PIK3C2B: variants seen among roughly 807,000 people sequenced by gnomAD.
PIK3C2B encodes the protein phosphatidylinositol-4-phosphate 3-kinase catalytic subunit type 2 beta, also known as phosphatidylinositol 4-phosphate 3-kinase C2 domain-containing subunit beta.
In PIK3C2B, 83 loss-of-function variants were observed where a neutral mutation model predicts 184.3. The ratio of observed to expected loss-of-function variants is 0.45; its 90% CI spans 0.38 to 0.54. The LOEUF (loss-of-function observed/expected upper bound fraction) is 0.54. PIK3C2B is among the 20% of genes least tolerant of loss of function. The pLI, the probability that PIK3C2B is intolerant of heterozygous loss-of-function variation, is 0.00. For synonymous variants in PIK3C2B, 779 were observed against 837.6 expected (o/e 0.93, Z 1.21); for missense variants, 1,736 against 2,113.5 (o/e 0.82, Z 3.50).
chr1:204,460,073 C>T (rs1655199769), intron 7 of PIK3C2B, 132 bp from the exon 8 acceptor site: 3 of 740,080 alleles, frequency 4.1e-6, no homozygotes, highest in Non-Finnish European at 7.1e-6. Context: ...TTCTATATGT[C>T]CTGTGAAGAC....
Position 204,430,010 on chromosome 1 carries a change from A to G in PIK3C2B, c.4309T>C (p.Ser1437Pro). Reference sequence around the variant, plus strand: ...CGCTCGGCCACCGCCTCTCCCCGGGAGCGGCCGATCACGAAGCGACTAGGG... The same window carrying G: ...CGCTCGGCCACCGCCTCTCCCCGGGGGCGGCCGATCACGAAGCGACTAGGG... ...SFPSRFVIGR[S>P]RGEAVAERRR... Residue 1437 changes from serine (S) to proline (P), a missense_variant, in exon 29 of 33, where the codon TCC becomes CCC. Ser to Pro is a moderately conservative substitution (Grantham distance 74, BLOSUM62 -1). Coordinates refer to ENST00000684373, the MANE Select transcript of PIK3C2B (RefSeq NM_001377334.1). The G allele has an allele frequency of 6.2e-7, 1 of 1,610,710 alleles. No individual in the cohort carries two copies. Among genetic ancestry groups the G allele is most frequent in the Middle Eastern group, 1.6e-4 (1 of 6,062 alleles).
Position 204,454,733 on chromosome 1 carries a change from G to A in PIK3C2B, c.2002C>T (p.Pro668Ser), listed in dbSNP as rs1180870391. 6.2e-7 allele frequency: 1 copy of A among 1,613,474 alleles called. No individual in the cohort carries two copies. ...AAGTGAGCTCTTCGGGTCTGCAGGG[G>A]GCTGCACAGCTCCTTGCCGCCATGG... ...LSHGGKELCS[P>S]LQTRRAHFSK... is the part of the protein sequence containing the mutation. Residue 668 changes from proline to serine, a missense_variant, in exon 12 of 33, where the codon CCC becomes TCC. This residue lies in a region of PIK3C2B where 609 missense variants were observed against 699.2 expected (regional missense o/e 0.87). Coordinates refer to ENST00000684373, the MANE Select transcript of PIK3C2B (RefSeq NM_001377334.1).
chr1:204,491,137 T>C lies in PIK3C2B; in HGVS notation c.-85+3219A>G, dbSNP rs375262340. On this transcript the variant is annotated intron_variant, in intron 1 of 32. Coordinates refer to ENST00000684373, the MANE Select transcript of PIK3C2B (RefSeq NM_001377334.1). The stretch of plus-strand genomic sequence containing the variant: ...ACATGGTGACTCACACCTGTAATCC[T>C]GGCCCTTTGGGAGGCTGAGGCAGGT... 3.3e-4 allele frequency among the ~76,000 whole-genome samples: 50 copies of C among 152,250 alleles called. 1 individual carries two copies. The highest frequency in any genetic ancestry group is 1.1e-3 in the African/African-American group (47 of 41,552).
At position 204,449,141 on chromosome 1, in the gene PIK3C2B, G is replaced by C. The variant is rs185419626; in HGVS notation, c.2346+44C>G. The C allele has an allele frequency of 3.8e-6, 5 of 1,329,932 alleles. No homozygotes were observed. In the East Asian group the frequency reaches 9.4e-5, roughly 25 times the overall value. The allele number at this position is 1,329,932 out of a possible 1,614,324, so 82.4% of individuals were successfully genotyped here. ...CAGGAGAAAAATGTAGAGTTGACTGGAATGGTCTTGCTGGTGACTGGGAGG... is the reference window on the plus strand; with the variant it reads ...CAGGAGAAAAATGTAGAGTTGACTGCAATGGTCTTGCTGGTGACTGGGAGG... On this transcript the variant is annotated intron_variant, in intron 14 of 32. Coordinates refer to ENST00000684373, the MANE Select transcript of PIK3C2B (RefSeq NM_001377334.1).
chr1:204,450,678 C>T (rs914942194), intron 12 of PIK3C2B, among the ~76,000 whole-genome samples: 1 of 152,190 alleles, frequency 6.6e-6, no homozygotes, highest in Non-Finnish European at 1.5e-5. Flanking sequence ...AATGGCAGGG[C>T]CAAGAGAACT....
intron 1 of PIK3C2B, among the ~76,000 whole-genome samples, chr1:204,477,311 C>T (rs1656784900): frequency 1.3e-5 from 2 of 152,148 alleles, no homozygotes; most frequent in African/African-American, 4.8e-5. Context: ...AATGTGCAGC[C>T]AGGTTTGACC....
Position 204,446,097 on chromosome 1 carries a change from C to T in PIK3C2B, c.2537G>A (p.Cys846Tyr). 1.3e-6 allele frequency: 2 copies of T among 1,591,562 alleles called. No individual in the cohort carries two copies. Among genetic ancestry groups the T allele is most frequent in the Non-Finnish European group, 8.6e-7 (1 of 1,166,158 alleles). The change falls in exon 16 of 33, where the codon TGC becomes TAC. Residue 846 changes from cysteine to tyrosine, a missense_variant. Physicochemically the swap from Cys to Tyr is radical, Grantham distance 194. Coordinates refer to ENST00000684373, the MANE Select transcript of PIK3C2B (RefSeq NM_001377334.1). ...GGGGAGCGAGCTCACCTCCGAGTGG[C>T]AGTAATATCGCTTCTCCCACAGGCG... ...KKRLWEKRYY[C>Y]HSEVSSLPLV...
intron 22 of PIK3C2B, 126 bp downstream of exon 22, chr1:204,440,065 GC>G: frequency 1.0e-6 from 1 of 982,818 alleles, no homozygotes; most frequent in Admixed American, 2.7e-5. Flanking sequence ...CTATCCCACA[GC>G]TTCTCATGAA....
At position 204,446,157 on chromosome 1, in the gene PIK3C2B, C is replaced by A; in HGVS notation, c.2490-13G>T. Reference sequence around the variant, plus strand: ...AGCATCAGTGAGCCTGGTGGGCACACGGAAAGGAGAAGGTGGTGGGAGGGT... The same window carrying A: ...AGCATCAGTGAGCCTGGTGGGCACAAGGAAAGGAGAAGGTGGTGGGAGGGT... On this transcript the variant is annotated splice_polypyrimidine_tract_variant and intron_variant, in intron 15 of 32. Transcript: ENST00000684373. 6.5e-7 allele frequency: 1 copy of A among 1,527,130 alleles called. No individual in the cohort carries two copies. Among genetic ancestry groups the A allele is most frequent in the East Asian group, 2.3e-5 (1 of 43,288 alleles). 94.6% of individuals were successfully genotyped at this position (1,527,130 alleles called of 1,614,324 possible). A position where few individuals can be genotyped will look rare whatever the true frequency, so the allele number is the denominator to read the frequency against.
intron 1 of PIK3C2B, among the ~76,000 whole-genome samples, chr1:204,485,809 G>C (rs572550333): frequency 2.0e-5 from 3 of 151,870 alleles, no homozygotes; most frequent in Non-Finnish European, 4.4e-5. Context: ...AAACTCAAGC[G>C]ATCTGCCTGC....
At chr1:204,463,595 G>A (rs1482552274) in intron 5 of PIK3C2B, among the ~76,000 whole-genome samples, 1 of 152,070 alleles carries the variant, frequency 6.6e-6, no homozygotes, top group Non-Finnish European at 1.5e-5. Context: ...TTCTCCCCTG[G>A]GCTCCACAAG....
intron 1 of PIK3C2B, among the ~76,000 whole-genome samples, chr1:204,472,334 G>A (rs532678384): frequency 1.2e-4 from 18 of 151,700 alleles, no homozygotes; most frequent in African/African-American, 4.3e-4. Flanking sequence ...CGGCTAATTT[G>A]TTGTATTTTT....
At position 204,424,658 on chromosome 1, in the gene PIK3C2B, C is replaced by T. The variant is rs1489377782; in HGVS notation, c.*194G>A. Reference sequence around the variant, plus strand: ...CTGCTCATCACAACCAACCCAAGTTCAGTCTCCAGAGGAAGAGACAGCAGA... The same window carrying T: ...CTGCTCATCACAACCAACCCAAGTTTAGTCTCCAGAGGAAGAGACAGCAGA... On this transcript the variant is annotated 3_prime_UTR_variant, in exon 33 of 33. Transcript: ENST00000684373. 2.6e-6 allele frequency: 2 copies of T among 755,120 alleles called. No individual in the cohort carries two copies. The highest frequency in any genetic ancestry group is 3.4e-5 in the Admixed American group (2 of 58,470). 46.8% of individuals were successfully genotyped at this position (755,120 alleles called of 1,614,324 possible). A position where few individuals can be genotyped will look rare whatever the true frequency, so the allele number is the denominator to read the frequency against.
At chr1:204,430,642 C>CA (rs200057563) in intron 28 of PIK3C2B, among the ~76,000 whole-genome samples, 1 of 150,946 alleles carries the variant, frequency 6.6e-6, no homozygotes, top group East Asian at 1.9e-4. Flanking sequence ...CGCACCCGGC[C>CA]AAAAAATTCA....
chr1:204,455,896 C>G lies in PIK3C2B; in HGVS notation c.1903G>C (p.Val635Leu). The G allele has an allele frequency of 6.2e-7, 1 of 1,613,960 alleles. No individual in the cohort carries two copies. The highest frequency in any genetic ancestry group is 8.5e-7 in the Non-Finnish European group (1 of 1,179,914). The change falls in exon 11 of 33, where the codon GTC becomes CTC. Residue 635 changes from valine to leucine, a missense_variant. Around this residue, in one of 8 missense-constraint regions of PIK3C2B, gnomAD observed 609 missense variants for 699.2 expected, o/e 0.87. Transcript: ENST00000684373. ...ATGGGGATGCGGTGGGTGGCATAGA[C>G]AGTGAAGGCCAGGGACCTGGCGAAA... ...CHFARSLAFT[V>L]YATHRIPIIW...
intron 5 of PIK3C2B, among the ~76,000 whole-genome samples, chr1:204,462,334 C>T (rs1395835145): frequency 1.3e-5 from 2 of 149,790 alleles, no homozygotes; most frequent in East Asian, 4.2e-4. Context: ...TAGGACTTCT[C>T]TCCGTGGGCT....
chr1:204,480,444 G>A (rs1657032273), intron 1 of PIK3C2B, among the ~76,000 whole-genome samples: 1 of 152,174 alleles, frequency 6.6e-6, no homozygotes, highest in Non-Finnish European at 1.5e-5. Flanking sequence ...TAGACCCGAT[G>A]AAGGGAGGCT....
intron 10 of PIK3C2B, 123 bp downstream of exon 10, chr1:204,456,913 CA>C (rs1317590193): frequency 5.3e-6 from 1 of 187,220 alleles, no homozygotes; most frequent in East Asian, 6.6e-5. Context: ...CACACCCACA[CA>C]CACACACACA....
At position 204,424,550 on chromosome 1, in the gene PIK3C2B, C is replaced by T; in HGVS notation, c.*302G>A. 2 of 537,538 alleles carry T rather than the reference C, an allele frequency of 3.7e-6. No homozygotes were observed. The highest frequency in any genetic ancestry group is 3.1e-5 in the South Asian group (2 of 65,006). 33.3% of individuals were successfully genotyped at this position (537,538 alleles called of 1,614,324 possible). On this transcript the variant is annotated 3_prime_UTR_variant, in exon 33 of 33. Transcript: ENST00000684373. ...AAAATGCTACTTCATACAGCCCACC[C>T]CACACACTCCCCAAACCAAGCATTG... is the stretch of plus-strand genomic sequence containing the variant.
Sources: gnomAD v4.1 joint callset for allele counts (sites outside exome capture counted in the v4.1 genomes callset) on GRCh38, gnomAD v4.1.1 for gene constraint, gnomAD v4.1.1 regional missense constraint, MANE v1.5 for transcripts, NCBI Gene and HGNC (gene_info 2026-07-23, HGNC 2026-07-21) for gene names.